Variants in FAM107B observed in about 807,000 individuals in gnomAD.
The protein encoded by FAM107B is protein FAM107B.
In FAM107B, 21 loss-of-function variants were observed where a neutral mutation model predicts 31.5. That is an observed-to-expected ratio of 0.67 (90% CI 0.47 to 0.96). The LOEUF is 0.96. Ranked by LOEUF, FAM107B falls within the 40% of genes least tolerant of loss-of-function variation. The probability of loss-of-function intolerance (pLI) is 0.00; values close to 1 mark genes in which losing one functional copy is unlikely to be tolerated. For missense variants in FAM107B, 452 were observed against 377.1 expected, an observed-to-expected ratio of 1.20 and a Z score of -1.64; for synonymous variants, 157 against 141.5, an observed-to-expected ratio of 1.11 and a Z score of -0.78.
chr10:14,753,248 C>G (rs552001119), intron 1 of FAM107B, among the ~76,000 whole-genome samples: 6 of 152,188 alleles, frequency 3.9e-5, no homozygotes, highest in Admixed American at 3.9e-4. Flanking sequence ...AACACACATA[C>G]ATATCAATAC....
chr10:14,764,421 A>G (rs909975483), intron 1 of FAM107B, among the ~76,000 whole-genome samples: 2 of 152,274 alleles, frequency 1.3e-5, no homozygotes, highest in Admixed American at 1.3e-4. Flanking sequence ...ACTGAACACG[A>G]AACACACACA....
intron 1 of FAM107B, among the ~76,000 whole-genome samples, chr10:14,676,586 A>C (rs1854687960): frequency 6.6e-6 from 1 of 152,224 alleles, no homozygotes; most frequent in Non-Finnish European, 1.5e-5. Context: ...TAACACAGAT[A>C]AGTCAGAAAT....
At chr10:14,535,114 G>A (rs7097042) in intron 2 of FAM107B, among the ~76,000 whole-genome samples, 17,977 of 152,188 alleles carry the variant, frequency 0.12, 1,165 homozygotes, top group Non-Finnish European at 0.15. Flanking sequence ...ATCATTTCTA[G>A]AAATAAACAC....
At chr10:14,603,128 A>G (rs1212807890) in intron 2 of FAM107B, among the ~76,000 whole-genome samples, 1 of 151,920 alleles carries the variant, frequency 6.6e-6, no homozygotes, top group Non-Finnish European at 1.5e-5. Context: ...TTTTCTATAT[A>G]TTTTCAATTT....
At position 14,541,075 on chromosome 10, in the gene FAM107B, C is replaced by G. The variant is rs142026119; in HGVS notation, c.470-10560G>C. Among the ~76,000 whole-genome samples the G allele has an allele frequency of 8.5e-5, 13 of 152,314 alleles. No homozygotes were observed. The East Asian group carries it at 2.1e-3, about 25-fold the overall frequency. On this transcript the variant is annotated intron_variant, in intron 2 of 4. Transcript: ENST00000181796. ...AAAGGTTCTATCTCACAGGTTTCAA[C>G]CCTAAGTACAGAATCGATCATCAGT...
rs1179711378 is a variant in FAM107B at position 14,529,082 on chromosome 10, C to T, written c.653+1250G>A. Reference sequence around the variant, plus strand: ...AACTGCTATTCTATTTCGGAGCCTACTAAACTGACGAGCTTTCCACCAAAA... The same window carrying T: ...AACTGCTATTCTATTTCGGAGCCTATTAAACTGACGAGCTTTCCACCAAAA... On this transcript the variant is annotated intron_variant, in intron 3 of 4. Transcript: ENST00000181796. 2.0e-5 allele frequency among the ~76,000 whole-genome samples: 3 copies of T among 152,194 alleles called. No individual in the cohort carries two copies. The East Asian group carries it at 5.8e-4, about 29-fold the overall frequency.
chr10:14,549,604 G>A (rs1246311876), intron 2 of FAM107B, among the ~76,000 whole-genome samples: 1 of 152,122 alleles, frequency 6.6e-6, no homozygotes, highest in East Asian at 1.9e-4. Context: ...AACTCCCTCT[G>A]GAGGCTTGTG....
At chr10:14,678,298 T>C (rs1854738785) in intron 1 of FAM107B, among the ~76,000 whole-genome samples, 1 of 152,186 alleles carries the variant, frequency 6.6e-6, no homozygotes, top group Non-Finnish European at 1.5e-5. Flanking sequence ...TATGTTCCCT[T>C]CCTTTCTTCC....
intron 3 of FAM107B, chr10:14,522,279 G>C (rs1845734026): frequency 2.2e-6 from 1 of 449,910 alleles, no homozygotes; most frequent in African/African-American, 2.0e-5. Flanking sequence ...CAAGACACTA[G>C]GCTACGCAAA....
intron 2 of FAM107B, among the ~76,000 whole-genome samples, chr10:14,556,688 A>G (rs887615255): frequency 2.0e-5 from 3 of 152,256 alleles, no homozygotes; most frequent in Non-Finnish European, 2.9e-5. Context: ...AGCAAGTGCC[A>G]CTTCTCAAAG....
At chr10:14,657,087 A>G (rs1854079394) in intron 2 of FAM107B, among the ~76,000 whole-genome samples, 1 of 152,248 alleles carries the variant, frequency 6.6e-6, no homozygotes, top group Non-Finnish European at 1.5e-5. Context: ...CATCAGGCTC[A>G]CCTTGAATAC....
intron 1 of FAM107B, among the ~76,000 whole-genome samples, chr10:14,711,905 A>T (rs527242692): frequency 6.6e-6 from 1 of 152,314 alleles, no homozygotes; most frequent in East Asian, 1.9e-4. Flanking sequence ...TGGCCTCCCA[A>T]AGTGCTGGGA....
chr10:14,584,853 A>T (rs939020811), intron 2 of FAM107B, among the ~76,000 whole-genome samples: 2 of 152,200 alleles, frequency 1.3e-5, no homozygotes, highest in African/African-American at 4.8e-5. Context: ...CCAACCAATC[A>T]GGCTGGTCAC....
chr10:14,521,644 T>A (rs193023094), intron 4 of FAM107B, among the ~76,000 whole-genome samples: 2 of 152,372 alleles, frequency 1.3e-5, no homozygotes, highest in Admixed American at 6.5e-5. Context: ...TTCAGTGCCA[T>A]GTCCCTGTTT....
intron 1 of FAM107B, among the ~76,000 whole-genome samples, chr10:14,672,054 C>T (rs545965460): frequency 4.6e-5 from 7 of 151,648 alleles, no homozygotes; most frequent in African/African-American, 9.7e-5. Flanking sequence ...GGTTCTGTAC[C>T]TCCCCTGCCA....
At chr10:14,744,217 G>A (rs568163035) in intron 1 of FAM107B, among the ~76,000 whole-genome samples, 1 of 152,326 alleles carries the variant, frequency 6.6e-6, no homozygotes, top group African/African-American at 2.4e-5. Flanking sequence ...AGACTTTGAT[G>A]AAGTTGCTTA....
intron 2 of FAM107B, among the ~76,000 whole-genome samples, chr10:14,551,303 C>T (rs540858415): frequency 3.3e-5 from 5 of 152,116 alleles, no homozygotes; most frequent in Admixed American, 1.3e-4. Flanking sequence ...GCCCACCATG[C>T]CCGCCTAATT....
At chr10:14,542,465 T>A (rs1848305610) in intron 2 of FAM107B, 1 of 152,144 alleles carries the variant, frequency 6.6e-6, no homozygotes, top group African/African-American at 2.4e-5. Flanking sequence ...TTTGAAGTTG[T>A]CTTCTTTCTC....
intron 1 of FAM107B, among the ~76,000 whole-genome samples, chr10:14,756,392 T>C (rs963457523): frequency 7.9e-5 from 12 of 152,214 alleles, no homozygotes; most frequent in Admixed American, 6.5e-4. Flanking sequence ...ATGGTTAACA[T>C]CTACAATCAG....
Sources: gnomAD v4.1 joint callset for allele counts (sites outside exome capture counted in the v4.1 genomes callset) on GRCh38, gnomAD v4.1.1 for gene constraint, MANE v1.5 for transcripts, NCBI Gene and HGNC (gene_info 2026-07-23, HGNC 2026-07-21) for gene names.